The following DPP10 variants were observed in gnomAD, a reference collection of about 807,000 sequenced individuals.
DPP10 encodes the protein inactive dipeptidyl peptidase 10.
Under a neutral mutation model 120.9 loss-of-function variants are expected in DPP10, and 33 were observed. The ratio of observed to expected loss-of-function variants is 0.27; its 90% CI spans 0.21 to 0.37. The LOEUF (loss-of-function observed/expected upper bound fraction) is 0.37, where lower values mean the gene tolerates loss of function less well. Ranked by LOEUF, DPP10 falls within the 10% of genes least tolerant of loss-of-function variation. The pLI is 1.00. For missense variants in DPP10, 816 were observed against 942.8 expected (o/e 0.87, Z 1.76); for synonymous variants, 337 against 326.1 (o/e 1.03, Z -0.36).
intron 4 of DPP10, among the ~76,000 whole-genome samples, chr2:115,516,461 A>G (rs578213137): frequency 6.9e-6 from 1 of 145,430 alleles, no homozygotes; most frequent in Admixed American, 7.5e-5. Context: ...AACAGGAAAC[A>G]GCAAATCAAT....
intron 3 of DPP10, among the ~76,000 whole-genome samples, chr2:115,348,461 TC>T (rs1245708082): frequency 6.6e-6 from 1 of 152,206 alleles, no homozygotes; most frequent in African/African-American, 2.4e-5. Context: ...TCGATTTTTT[TC>T]AATAAATGCA....
chr2:114,881,404 T>A (rs1691594913), intron 1 of DPP10, among the ~76,000 whole-genome samples: 1 of 152,104 alleles, frequency 6.6e-6, no homozygotes, highest in Non-Finnish European at 1.5e-5. Flanking sequence ...TTGAACACCT[T>A]ATCTACCATT....
In DPP10 at chr2:115,465,715, G is replaced by A. The variant is rs150085606; in HGVS notation, c.272-33795G>A. 6.6e-5 allele frequency among the ~76,000 whole-genome samples: 10 copies of A among 152,224 alleles called. 1 individual carries two copies. Among genetic ancestry groups the A allele is most frequent in the South Asian group, 2.1e-4 (1 of 4,828 alleles). On this transcript the variant is annotated intron_variant, in intron 3 of 25. Coordinates refer to ENST00000410059, the MANE Select transcript of DPP10 (RefSeq NM_020868.6). ...GCGCATATCTGTAGTCCAGCTACTC[G>A]GGAGGCTGAGACAGGAGAATCACTT...
intron 3 of DPP10, among the ~76,000 whole-genome samples, chr2:115,465,245 G>T (rs1007584962): frequency 6.6e-6 from 1 of 152,076 alleles, no homozygotes; most frequent in East Asian, 1.9e-4. Context: ...TGCACGTAAT[G>T]CTGTTATTTC....
At chr2:114,697,754 A>AG (rs1352471196) in intron 1 of DPP10, among the ~76,000 whole-genome samples, 1 of 151,304 alleles carries the variant, frequency 6.6e-6, no homozygotes, top group Non-Finnish European at 1.5e-5. Context: ...TGTCTCAAAA[A>AG]AAAAAAAAAA....
intron 1 of DPP10, among the ~76,000 whole-genome samples, chr2:115,258,088 C>G (rs1423446031): frequency 6.6e-6 from 1 of 152,008 alleles, no homozygotes; most frequent in Admixed American, 6.6e-5. Flanking sequence ...TGTTTAAAAG[C>G]AAATATTTAT....
intron 7 of DPP10, among the ~76,000 whole-genome samples, chr2:115,705,008 A>C (rs1433779132): frequency 6.6e-6 from 1 of 151,942 alleles, no homozygotes; most frequent in Admixed American, 6.6e-5. Flanking sequence ...ATGTTTAGGT[A>C]ATTCTTCAAA....
chr2:114,648,165 A>G (rs988954487), intron 1 of DPP10, among the ~76,000 whole-genome samples: 2 of 152,068 alleles, frequency 1.3e-5, no homozygotes, highest in African/African-American at 2.4e-5. Context: ...CGTGACTCCC[A>G]CTCTCGTCCT....
At chr2:115,596,303 CA>C in intron 5 of DPP10, among the ~76,000 whole-genome samples, 1 of 152,232 alleles carries the variant, frequency 6.6e-6, no homozygotes, top group African/African-American at 2.4e-5. Context: ...CAGTAACTTT[CA>C]AAAACTCTTA....
At chr2:115,668,294 A>T (rs2089618650) in intron 5 of DPP10, among the ~76,000 whole-genome samples, 1 of 152,044 alleles carries the variant, frequency 6.6e-6, no homozygotes, top group South Asian at 2.1e-4. Flanking sequence ...TTAAGAGATG[A>T]TTAGGTCACA....
chr2:114,839,843 A>C (rs189889098), intron 1 of DPP10, among the ~76,000 whole-genome samples: 2 of 152,340 alleles, frequency 1.3e-5, no homozygotes, highest in African/African-American at 4.8e-5. Context: ...TTAATCTAAG[A>C]AGACTCAGAG....
At position 114,507,329 on chromosome 2, in the gene DPP10, G is replaced by A. The variant is rs559610751; in HGVS notation, c.60+64491G>A. Among the ~76,000 whole-genome samples, 199 of 152,216 alleles carry A rather than the reference G, an allele frequency of 1.3e-3. 1 individual carries two copies. Among genetic ancestry groups the A allele is most frequent in the Middle Eastern group, 6.8e-3 (2 of 294 alleles). On this transcript the variant is annotated intron_variant, in intron 1 of 25. Transcript: ENST00000410059. ...CTCCTAAAGTGCTGGCATTACACGTGTGAATCACTATGGCCAGCCTTCAGT... is the reference window on the plus strand; with the variant it reads ...CTCCTAAAGTGCTGGCATTACACGTATGAATCACTATGGCCAGCCTTCAGT...
chr2:114,812,668 T>G (rs1228944938), intron 1 of DPP10, among the ~76,000 whole-genome samples: 1 of 152,020 alleles, frequency 6.6e-6, no homozygotes, highest in Non-Finnish European at 1.5e-5. Context: ...TTCTCACCTC[T>G]GTATCTCTAC....
At chr2:114,722,028 C>T (rs1355963511) in intron 1 of DPP10, among the ~76,000 whole-genome samples, 1 of 152,074 alleles carries the variant, frequency 6.6e-6, no homozygotes, top group East Asian at 1.9e-4. Flanking sequence ...TAATGCTTAG[C>T]TCCATAACTA....
chr2:115,560,427 T>A (rs1391126178), intron 5 of DPP10, among the ~76,000 whole-genome samples: 1 of 70,948 alleles, frequency 1.4e-5, no homozygotes, highest in Non-Finnish European at 2.7e-5. Context: ...TATATATATA[T>A]ATATATATAT....
At chr2:115,390,920 T>A (rs1193913349) in intron 3 of DPP10, among the ~76,000 whole-genome samples, 2 of 152,164 alleles carry the variant, frequency 1.3e-5, no homozygotes, top group African/African-American at 4.8e-5. Context: ...TTGTACTAGT[T>A]AACTTTTCCC....
chr2:115,731,229 G>A lies in DPP10; in HGVS notation c.697+3293G>A, dbSNP rs1161164985. ...AAAAATTAGCTGGGCATGCTGGTGC[G>A]TACCTGTAATCCCAGCTACTCGGGA... is the stretch of plus-strand genomic sequence containing the variant. On this transcript the variant is annotated intron_variant, in intron 8 of 25. Coordinates refer to ENST00000410059, the MANE Select transcript of DPP10 (RefSeq NM_020868.6). Among the ~76,000 whole-genome samples the A allele has an allele frequency of 3.3e-5, 5 of 152,106 alleles. No homozygotes were observed. The South Asian group carries it at 6.2e-4, about 19-fold the overall frequency.
At chr2:114,707,320 G>A (rs2105845731) in intron 1 of DPP10, 1 of 151,538 alleles carries the variant, frequency 6.6e-6, no homozygotes, top group South Asian at 2.1e-4. Flanking sequence ...CCAAGTAGGA[G>A]GTAAAATTAT....
At chr2:115,827,318 CATGTAT>C (rs70941100) in intron 21 of DPP10, among the ~76,000 whole-genome samples, 2 of 137,790 alleles carry the variant, frequency 1.5e-5, no homozygotes, top group African/African-American at 2.7e-5. Context: ...TACACATGTA[CATGTAT>C]ATGTATATGT....
Sources: allele counts gnomAD v4.1 joint callset (sites outside exome capture counted in the v4.1 genomes callset), GRCh38; gene constraint gnomAD v4.1.1; transcripts MANE v1.5; gene names NCBI Gene and HGNC (gene_info 2026-07-23, HGNC 2026-07-21).